Variants in ROBO2 observed in about 807,000 individuals in gnomAD.
ROBO2 encodes roundabout homolog 2.
A neutral mutation model predicts 160.8 loss-of-function variants in ROBO2; 53 were observed. The ratio of observed to expected loss-of-function variants is 0.33; its 90% CI spans 0.26 to 0.41. The LOEUF (loss-of-function observed/expected upper bound fraction) is 0.41. Ranked by LOEUF, ROBO2 falls within the 10% of genes least tolerant of loss-of-function variation. ROBO2 has a pLI of 1.00. For missense variants in ROBO2, 1,577 were observed against 1,722.4 expected (o/e 0.92, Z 1.49); for synonymous variants, 664 against 611.7 (o/e 1.09, Z -1.26).
chr3:77,488,058 A>G (rs1431250234), intron 4 of ROBO2, among the ~76,000 whole-genome samples: 2 of 152,114 alleles, frequency 1.3e-5, no homozygotes. Flanking sequence ...TGCTTTCTGA[A>G]TATTTTTGAC....
intron 2 of ROBO2, among the ~76,000 whole-genome samples, chr3:76,139,582 C>T (rs1359145105): frequency 6.6e-6 from 1 of 151,984 alleles, no homozygotes; most frequent in Non-Finnish European, 1.5e-5. Flanking sequence ...AATTCATCTT[C>T]GTCCTCCAGG....
chr3:76,756,815 A>T (rs920563386), intron 2 of ROBO2, among the ~76,000 whole-genome samples: 2 of 151,856 alleles, frequency 1.3e-5, no homozygotes, highest in Admixed American at 1.3e-4. Flanking sequence ...TTCCCAAGCC[A>T]CAGGGCTTCG....
At chr3:76,674,495 T>C (rs1057207746) in intron 2 of ROBO2, among the ~76,000 whole-genome samples, 4 of 151,854 alleles carry the variant, frequency 2.6e-5, no homozygotes, top group African/African-American at 9.7e-5. Flanking sequence ...TGAGTTCCAA[T>C]TGACGGCAGT....
chr3:77,336,816 A>G (rs1184370132), intron 2 of ROBO2, among the ~76,000 whole-genome samples: 1 of 152,196 alleles, frequency 6.6e-6, no homozygotes, highest in Non-Finnish European at 1.5e-5. Context: ...CTTGTGAATA[A>G]TGCGTAGCTT....
chr3:77,093,936 A>G (rs1461249639), intron 1 of ROBO2, among the ~76,000 whole-genome samples: 1 of 152,150 alleles, frequency 6.6e-6, no homozygotes, highest in African/African-American at 2.4e-5. Context: ...CCTTTTATTA[A>G]ACTTGTTCAC....
At chr3:75,972,520 C>T (rs939909668) in intron 2 of ROBO2, among the ~76,000 whole-genome samples, 1 of 151,628 alleles carries the variant, frequency 6.6e-6, no homozygotes, top group Admixed American at 6.6e-5. Context: ...TGACTTATTA[C>T]TCTTATATAA....
rs2063078938 is a variant in ROBO2, at chr3:77,306,177, A to G, written c.389-171237A>G. ...ATTATAATAATGTATTCATATATTC[A>G]GTAACCAATGACATATTTATGTAAG... On this transcript the variant is annotated intron_variant, in intron 2 of 25. Coordinates refer to ENST00000461745, the Ensembl canonical transcript of ROBO2. Among the ~76,000 whole-genome samples, 3 of 152,146 alleles carry G rather than the reference A, an allele frequency of 2.0e-5. No homozygotes were observed. The South Asian group carries it at 6.2e-4, about 31-fold the overall frequency.
At chr3:76,658,538 C>T (rs909886777) in intron 2 of ROBO2, among the ~76,000 whole-genome samples, 2 of 152,076 alleles carry the variant, frequency 1.3e-5, no homozygotes, top group Non-Finnish European at 2.9e-5. Context: ...TCCCTGTGTC[C>T]ATGTGTTCTC....
intron 2 of ROBO2, among the ~76,000 whole-genome samples, chr3:76,077,263 GTT>G (rs982543887): frequency 1.3e-5 from 2 of 152,138 alleles, no homozygotes; most frequent in Non-Finnish European, 1.5e-5. Context: ...ATTTCATAAT[GTT>G]TTAAAATCTT....
rs116195344 is a variant in ROBO2 at position 76,796,261 on chromosome 3, G to A, written c.110-301753G>A. On this transcript the variant is annotated intron_variant, in intron 2 of 26. Coordinates refer to the ROBO2 transcript ENST00000487694. ...TAGGTGGTATCTTCTTCCAGTAGAA[G>A]GCTACCTAATCTAACCTGAAAAATA... Among the ~76,000 whole-genome samples, 887 of 152,074 alleles carry A rather than the reference G, an allele frequency of 5.8e-3. 14 individuals carry two copies. Among genetic ancestry groups the A allele is most frequent in the African/African-American group, 0.02 (832 of 41,478 alleles).
chr3:75,926,421 G>T lies in ROBO2; in HGVS notation c.-13-11060G>T, dbSNP rs112790903. 3.5e-3 allele frequency among the ~76,000 whole-genome samples: 533 copies of T among 152,116 alleles called. 2 individuals are homozygous for T. The highest frequency in any genetic ancestry group is 0.013 in the African/African-American group (520 of 41,506). Reference sequence around the variant, plus strand: ...ATTACCCCCACAAAGTTTTATGGTTGCTTTTTTCTTATCTTCTGATTAGTG... The same window carrying T: ...ATTACCCCCACAAAGTTTTATGGTTTCTTTTTTCTTATCTTCTGATTAGTG... On this transcript the variant is annotated intron_variant, in intron 1 of 26. Coordinates refer to the ROBO2 transcript ENST00000487694.
intron 2 of ROBO2, among the ~76,000 whole-genome samples, chr3:76,455,749 TA>T (rs1443192570): frequency 2.0e-5 from 3 of 152,180 alleles, no homozygotes; most frequent in African/African-American, 7.2e-5. Context: ...AGAAAACACA[TA>T]GCAAGCATAT....
At chr3:77,323,856 C>T (rs895376090) in intron 2 of ROBO2, among the ~76,000 whole-genome samples, 7 of 152,264 alleles carry the variant, frequency 4.6e-5, no homozygotes, top group African/African-American at 1.7e-4. Context: ...ATTTGCCAAA[C>T]AGCTTGAGAT....
At chr3:77,346,499 C>G (rs539033023) in intron 2 of ROBO2, among the ~76,000 whole-genome samples, 9 of 152,262 alleles carry the variant, frequency 5.9e-5, no homozygotes, top group Non-Finnish European at 1.0e-4. Context: ...CTTGCTGTCA[C>G]AAACTTAGTG....
intron 2 of ROBO2, among the ~76,000 whole-genome samples, chr3:75,980,421 C>CT (rs748469331): frequency 6.6e-5 from 10 of 150,668 alleles, no homozygotes; most frequent in Non-Finnish European, 1.0e-4. Flanking sequence ...ATGCATATGG[C>CT]TTTTTTTTTC....
chr3:77,136,071 C>G (rs2150386794), intron 2 of ROBO2, among the ~76,000 whole-genome samples: 1 of 152,190 alleles, frequency 6.6e-6, no homozygotes, highest in Non-Finnish European at 1.5e-5. Flanking sequence ...ATATTTTTTA[C>G]CAGCTTTTGC....
intron 4 of ROBO2, among the ~76,000 whole-genome samples, chr3:77,485,540 G>A (rs1421026443): frequency 2.0e-5 from 3 of 151,992 alleles, no homozygotes; most frequent in Admixed American, 2.0e-4. Flanking sequence ...TTTCTGTGCT[G>A]TAAGTTGATG....
chr3:77,618,882 A>G (rs1035775219), intron 22 of ROBO2, among the ~76,000 whole-genome samples: 1 of 152,188 alleles, frequency 6.6e-6, no homozygotes, highest in Non-Finnish European at 1.5e-5. Context: ...CTTTTAATAA[A>G]ACATCACTAT....
chr3:77,371,862 C>A (rs1281740659), intron 2 of ROBO2, among the ~76,000 whole-genome samples: 1 of 152,162 alleles, frequency 6.6e-6, no homozygotes, highest in Non-Finnish European at 1.5e-5. Context: ...CTAAACAAAA[C>A]TAGTTGTGTA....
Sources: gnomAD v4.1 joint callset for allele counts (sites outside exome capture counted in the v4.1 genomes callset) on GRCh38, gnomAD v4.1.1 for gene constraint, MANE v1.5 for transcripts, NCBI Gene and HGNC (gene_info 2026-07-23, HGNC 2026-07-21) for gene names.